DSCAML1: variants seen among roughly 807,000 people sequenced by gnomAD.
DSCAML1 encodes the protein DS cell adhesion molecule like 1.
A neutral mutation model predicts 200.5 loss-of-function variants in DSCAML1; 38 were observed. The ratio of observed to expected loss-of-function variants is 0.19; its 90% CI spans 0.15 to 0.25. The LOEUF is 0.25. Among genes scored for constraint, DSCAML1 ranks in the 10% least tolerant of loss-of-function variants. DSCAML1 has a pLI of 1.00. For synonymous variants in DSCAML1, 1,215 were observed against 1,165.0 expected (o/e 1.04, Z -0.87); for missense variants, 2,223 against 2,858.8 (o/e 0.78, Z 5.07).
At chr11:117,663,911 C>T (rs562676996) in intron 3 of DSCAML1, among the ~76,000 whole-genome samples, 4 of 152,222 alleles carry the variant, frequency 2.6e-5, no homozygotes, top group Non-Finnish European at 2.9e-5. Flanking sequence ...ATTTATTCCT[C>T]CCCTGCTCTT....
At chr11:117,810,969 G>A (rs1242661212) in intron 1 of DSCAML1, among the ~76,000 whole-genome samples, 1 of 151,522 alleles carries the variant, frequency 6.6e-6, no homozygotes, top group Non-Finnish European at 1.5e-5. Flanking sequence ...TCCCCTCCTC[G>A]CCAGACCAAG....
intron 3 of DSCAML1, among the ~76,000 whole-genome samples, chr11:117,655,460 AG>A (rs1210413528): frequency 6.6e-6 from 1 of 152,188 alleles, no homozygotes; most frequent in Non-Finnish European, 1.5e-5. Flanking sequence ...AAACTCAGAG[AG>A]GTTAAGTATC....
intron 3 of DSCAML1, among the ~76,000 whole-genome samples, chr11:117,645,472 G>T (rs894439658): frequency 6.6e-6 from 1 of 152,076 alleles, no homozygotes; most frequent in East Asian, 1.9e-4. Context: ...TCAAATCTGC[G>T]GACCAGCATA....
Position 117,524,911 on chromosome 11 carries a change from T to C in DSCAML1, c.831A>G (p.Thr277=). ...TCCGCAAGTCGCTGATGGTCAGCCC[T>C]GTGATGCGCTTGGTCCAGCGGCTGT... The part of the protein sequence containing the change: ...PADSRWTKRI[T]GLTISDLRTE... Residue 277 remains threonine (T), a synonymous_variant, in exon 5 of 33, where the codon ACA becomes ACG. Transcript: ENST00000651296. 4.3e-6 allele frequency: 7 copies of C among 1,613,568 alleles called. No homozygotes were observed. The highest frequency in any genetic ancestry group is 4.2e-6 in the Non-Finnish European group (5 of 1,179,888).
chr11:117,653,612 T>C (rs1038612183), intron 3 of DSCAML1, among the ~76,000 whole-genome samples: 3 of 152,138 alleles, frequency 2.0e-5, no homozygotes, highest in Non-Finnish European at 4.4e-5. Flanking sequence ...GGTGGGAGTG[T>C]AAAACGGTGC....
chr11:117,544,448 G>A (rs777170950), intron 3 of DSCAML1, among the ~76,000 whole-genome samples: 4 of 152,172 alleles, frequency 2.6e-5, no homozygotes, highest in East Asian at 1.9e-4. Context: ...CCTGGCTGGC[G>A]GGAATTAGCT....
intron 2 of DSCAML1, among the ~76,000 whole-genome samples, chr11:117,779,297 C>T (rs555350118): frequency 1.4e-3 from 209 of 152,240 alleles, no homozygotes; most frequent in Middle Eastern, 3.4e-3. Context: ...TTGTGAGACA[C>T]CAGTGTACCC....
intron 3 of DSCAML1, among the ~76,000 whole-genome samples, chr11:117,701,036 C>T (rs1326664764): frequency 3.3e-5 from 5 of 152,166 alleles, no homozygotes; most frequent in Non-Finnish European, 7.4e-5. Flanking sequence ...GAGGCTGAGG[C>T]GTGTGGATCA....
At chr11:117,502,249 G>A (rs776013128) in intron 11 of DSCAML1, among the ~76,000 whole-genome samples, 1 of 152,114 alleles carries the variant, frequency 6.6e-6, no homozygotes, top group African/African-American at 2.4e-5. Context: ...CGGCACCCGC[G>A]ACCCCTGCAT....
At chr11:117,461,877 A>C (rs1273355832) in intron 17 of DSCAML1, among the ~76,000 whole-genome samples, 1 of 152,186 alleles carries the variant, frequency 6.6e-6, no homozygotes, top group Non-Finnish European at 1.5e-5. Context: ...ATCCTGGGGA[A>C]GAAGGTGAGG....
intron 3 of DSCAML1, among the ~76,000 whole-genome samples, chr11:117,756,249 C>T (rs2054691082): frequency 1.3e-5 from 2 of 152,200 alleles, no homozygotes; most frequent in Admixed American, 6.5e-5. Flanking sequence ...CTCTTAGGGG[C>T]AGGGATGCCT....
At chr11:117,532,253 T>C in intron 4 of DSCAML1, 123 bp downstream of exon 4, 2 of 925,092 alleles carry the variant, frequency 2.2e-6, no homozygotes, top group East Asian at 5.4e-5. Flanking sequence ...TTAATCTCTT[T>C]CTCTGATTTC....
chr11:117,605,330 C>T (rs753617038), intron 3 of DSCAML1, among the ~76,000 whole-genome samples: 20 of 152,290 alleles, frequency 1.3e-4, no homozygotes, highest in Non-Finnish European at 1.9e-4. Flanking sequence ...ATGCCCGCAC[C>T]TCCTGAGCTT....
chr11:117,527,156 T>C (rs1171442631), intron 4 of DSCAML1, among the ~76,000 whole-genome samples: 2 of 152,204 alleles, frequency 1.3e-5, no homozygotes, highest in Non-Finnish European at 2.9e-5. Flanking sequence ...AGCAAGATCT[T>C]GTCTCAAAAA....
intron 3 of DSCAML1, among the ~76,000 whole-genome samples, chr11:117,754,382 A>T (rs1453595199): frequency 6.6e-6 from 1 of 152,160 alleles, no homozygotes; most frequent in African/African-American, 2.4e-5. Context: ...CTTTATGTCG[A>T]AAGTTCTCCT....
chr11:117,777,547 T>C (rs1474158006), intron 2 of DSCAML1, among the ~76,000 whole-genome samples: 1 of 152,200 alleles, frequency 6.6e-6, no homozygotes, highest in Non-Finnish European at 1.5e-5. Context: ...AGAGAATGTT[T>C]GGGACTACGA....
At chr11:117,552,427 AC>A (rs1300218647) in intron 3 of DSCAML1, among the ~76,000 whole-genome samples, 2 of 149,434 alleles carry the variant, frequency 1.3e-5, no homozygotes, top group East Asian at 3.9e-4. Context: ...CTCACAATCC[AC>A]CCCCCTCTCC....
intron 3 of DSCAML1, among the ~76,000 whole-genome samples, chr11:117,566,843 C>T (rs1268022764): frequency 6.7e-6 from 1 of 149,778 alleles, no homozygotes; most frequent in African/African-American, 2.5e-5. Context: ...GTTTTTTGTT[C>T]TTGCGATAGT....
chr11:117,532,566 T>C, intron 3 of DSCAML1, 44 bp from the exon 4 acceptor site: 1 of 1,592,080 alleles, frequency 6.3e-7, no homozygotes, highest in Non-Finnish European at 8.6e-7. Flanking sequence ...CCCGGTTTCG[T>C]ACAGCCTCAG....
Sources: gnomAD v4.1 joint callset for allele counts (sites outside exome capture counted in the v4.1 genomes callset) on GRCh38, gnomAD v4.1.1 for gene constraint, MANE v1.5 for transcripts, NCBI Gene and HGNC (gene_info 2026-07-23, HGNC 2026-07-21) for gene names.